Variants in EYS observed in about 807,000 individuals in gnomAD.
EYS encodes the protein EGF-like photoreceptor maintenance factor, also known as protein eyes shut homolog.
In EYS, 250 loss-of-function variants were observed where a neutral mutation model predicts 282.1. That is an observed-to-expected ratio of 0.89 (90% CI 0.80 to 0.98). The LOEUF is 0.98. Ranked by LOEUF, EYS falls within the 50% of genes least tolerant of loss-of-function variation. The pLI, the probability that EYS is intolerant of heterozygous loss-of-function variation, is 0.00. For missense variants in EYS, 4,016 were observed against 3,709.0 expected (o/e 1.08, Z -2.15); for synonymous variants, 1,355 against 1,282.9 (o/e 1.06, Z -1.20).
chr6:63,782,916 A>G (rs979629057), intron 39 of EYS, among the ~76,000 whole-genome samples: 1 of 149,754 alleles, frequency 6.7e-6, no homozygotes, highest in African/African-American at 2.5e-5. Context: ...CTAGGTACCA[A>G]ATAAGTAATA....
rs1296788381 is a variant in EYS at position 64,534,678 on chromosome 6, TA to T, written c.5644+55544del. Among the ~76,000 whole-genome samples the T allele has an allele frequency of 3.3e-5, 5 of 152,352 alleles. No homozygotes were observed. The East Asian group carries it at 9.6e-4, about 29-fold the overall frequency. On this transcript the variant is annotated intron_variant, in intron 26 of 42. Transcript: ENST00000503581. Reference sequence around the variant, plus strand: ...TTCATCTGGTTTTATCAACTAATACTAAAATTTGGCTGTTCCAATTAATTAT... The same window carrying T: ...TTCATCTGGTTTTATCAACTAATACTAAATTTGGCTGTTCCAATTAATTAT...
chr6:64,904,162 A>G (rs913092353), intron 16 of EYS, among the ~76,000 whole-genome samples: 1 of 152,212 alleles, frequency 6.6e-6, no homozygotes, highest in Admixed American at 6.5e-5. Flanking sequence ...ATGATCACAC[A>G]CTATGAAACA....
intron 2 of EYS, among the ~76,000 whole-genome samples, chr6:65,631,772 TA>T (rs1192421347): frequency 6.6e-6 from 1 of 152,180 alleles, no homozygotes; most frequent in Non-Finnish European, 1.5e-5. Context: ...AGAGTATAAG[TA>T]AAATTTACTA....
At chr6:64,117,422 A>G (rs766773927) in intron 31 of EYS, among the ~76,000 whole-genome samples, 114 of 151,870 alleles carry the variant, frequency 7.5e-4, no homozygotes, top group Non-Finnish European at 1.3e-3. Context: ...CAATGAAACT[A>G]AGAGTTGGTT....
In EYS at chr6:64,474,191, T is replaced by A. The variant is rs548080358; in HGVS notation, c.5645-34839A>T. Among the ~76,000 whole-genome samples the A allele has an allele frequency of 2.0e-5, 3 of 152,308 alleles. No homozygotes were observed. In the East Asian group the frequency reaches 5.8e-4, roughly 29 times the overall value. The stretch of plus-strand genomic sequence containing the variant: ...GTTTTTTATCCACTGTAGTGAGCTA[T>A]AATAAACTTATTTTTGTTCATTATC... On this transcript the variant is annotated intron_variant, in intron 26 of 42. Coordinates refer to ENST00000503581, the MANE Select transcript of EYS (RefSeq NM_001142800.2).
In EYS at chr6:65,473,400, C is replaced by T. The variant is rs558235772; in HGVS notation, c.862+17194G>A. On this transcript the variant is annotated intron_variant, in intron 5 of 42. Coordinates refer to ENST00000503581, the MANE Select transcript of EYS (RefSeq NM_001142800.2). ...TATTAAAGAGGTTACTGTGTCAATA[C>T]CTAAGAAAAGATGGAAATAATGTAT... Among the ~76,000 whole-genome samples, 135 of 151,774 alleles carry T rather than the reference C, an allele frequency of 8.9e-4. 2 individuals carry two copies. Among genetic ancestry groups the T allele is most frequent in the African/African-American group, 2.6e-3 (109 of 41,456 alleles).
intron 33 of EYS, among the ~76,000 whole-genome samples, chr6:64,050,746 A>T (rs1369812024): frequency 6.6e-6 from 1 of 152,204 alleles, no homozygotes; most frequent in Non-Finnish European, 1.5e-5. Context: ...ATTGACCACA[A>T]GCTGTGAATG....
At chr6:63,961,080 G>A (rs1766036924) in intron 35 of EYS, among the ~76,000 whole-genome samples, 1 of 152,160 alleles carries the variant, frequency 6.6e-6, no homozygotes, top group African/African-American at 2.4e-5. Flanking sequence ...AACATAGATT[G>A]GGTAATTTAT....
At chr6:64,445,704 C>T (rs1288268802) in intron 26 of EYS, among the ~76,000 whole-genome samples, 1 of 152,056 alleles carries the variant, frequency 6.6e-6, no homozygotes, top group Non-Finnish European at 1.5e-5. Context: ...TCACATGATT[C>T]CAATGTGATG....
chr6:63,888,481 C>T (rs543951426), intron 35 of EYS, among the ~76,000 whole-genome samples: 7 of 152,294 alleles, frequency 4.6e-5, no homozygotes, highest in South Asian at 2.1e-4. Context: ...CCTCCATTGG[C>T]GATACCCAGG....
intron 28 of EYS, among the ~76,000 whole-genome samples, chr6:64,416,330 G>A (rs536250495): frequency 1.3e-5 from 2 of 152,238 alleles, no homozygotes; most frequent in Admixed American, 6.5e-5. Context: ...GATGCTTAAA[G>A]TAATTCTCAT....
At chr6:64,163,609 T>C (rs967192948) in intron 31 of EYS, among the ~76,000 whole-genome samples, 4 of 152,134 alleles carry the variant, frequency 2.6e-5, no homozygotes, top group Non-Finnish European at 5.9e-5. Context: ...TTAGCTATTA[T>C]GTGAAGAATG....
intron 34 of EYS, among the ~76,000 whole-genome samples, chr6:63,998,437 G>A (rs758130675): frequency 1.3e-5 from 2 of 152,144 alleles, no homozygotes; most frequent in Non-Finnish European, 2.9e-5. Context: ...CTGCTTTAAT[G>A]TCTACTAAAA....
intron 16 of EYS, 30 bp from the exon 17 acceptor site, chr6:64,902,530 A>T: frequency 3.8e-6 from 5 of 1,313,364 alleles, no homozygotes; most frequent in Non-Finnish European, 5.2e-6. Context: ...AGTATGGATG[A>T]GCAATCCTTG....
At chr6:64,922,142 G>A (rs938051060) in intron 15 of EYS, among the ~76,000 whole-genome samples, 2 of 152,098 alleles carry the variant, frequency 1.3e-5, no homozygotes, top group African/African-American at 2.4e-5. Flanking sequence ...CTGGGGTGAC[G>A]AAAAATAAAT....
At chr6:65,198,962 G>C (rs564794269) in intron 12 of EYS, among the ~76,000 whole-genome samples, 1 of 152,162 alleles carries the variant, frequency 6.6e-6, no homozygotes, top group South Asian at 2.1e-4. Flanking sequence ...AGGGAAACAT[G>C]TTATGATGTA....
chr6:65,466,645 T>A (rs1765011482), intron 5 of EYS, among the ~76,000 whole-genome samples: 2 of 150,764 alleles, frequency 1.3e-5, no homozygotes, highest in African/African-American at 2.4e-5. Flanking sequence ...TGGGGGTTGA[T>A]CAAGGAAAAC....
chr6:64,468,742 G>A (rs1776007915), intron 26 of EYS, among the ~76,000 whole-genome samples: 1 of 152,178 alleles, frequency 6.6e-6, no homozygotes, highest in Admixed American at 6.5e-5. Flanking sequence ...ACTTACAAGT[G>A]AGAACATGTG....
intron 19 of EYS, among the ~76,000 whole-genome samples, chr6:64,870,803 G>A (rs1766572588): frequency 1.3e-5 from 2 of 151,736 alleles, no homozygotes; most frequent in South Asian, 2.1e-4. Context: ...GAAATTCACT[G>A]GAGGGACTTA....
Sources: allele counts gnomAD v4.1 joint callset (sites outside exome capture counted in the v4.1 genomes callset), GRCh38; gene constraint gnomAD v4.1.1; transcripts MANE v1.5; gene names NCBI Gene and HGNC (gene_info 2026-07-23, HGNC 2026-07-21).